Variants in DNAH10 observed in about 807,000 individuals in gnomAD.
DNAH10 encodes axonemal beta dynein heavy chain 10.
Under a neutral mutation model 506.6 loss-of-function variants are expected in DNAH10, and 348 were observed. The observed-to-expected ratio is 0.69, with a 90% CI of 0.63 to 0.75. DNAH10 has a LOEUF of 0.75. DNAH10 is among the 30% of genes least tolerant of loss of function. DNAH10 has a pLI of 0.00. For synonymous variants in DNAH10, 2,059 were observed against 2,198.6 expected (o/e 0.94, Z 1.78); for missense variants, 5,179 against 5,787.1 (o/e 0.89, Z 3.41).
chr12:123,920,941 T>A (rs1954693231), intron 65 of DNAH10, among the ~76,000 whole-genome samples: 1 of 152,034 alleles, frequency 6.6e-6, no homozygotes, highest in African/African-American at 2.4e-5. Flanking sequence ...GGCTAATTTT[T>A]AAAAAAAATT....
chr12:123,918,841 G>T lies in DNAH10; in HGVS notation c.11398G>T (p.Val3800Phe). ...YQYSLIAFLE[V>F]FRLSLKKSLP... ...GTACTCCCTGATTGCCTTCTTAGAG[G>T]TCTTCAGGCTGTCACTGAAGAAGTC... Residue 3800 changes from valine (V) to phenylalanine (F), a missense_variant, in exon 65 of 79, where the codon GTC becomes TTC. Val to Phe is a conservative substitution (Grantham distance 50, BLOSUM62 -1). This residue lies in a region of DNAH10 where 4,844 missense variants were observed against 5,430.5 expected (regional missense o/e 0.89). Transcript: ENST00000673944. 1 of 1,613,922 alleles carries T rather than the reference G, an allele frequency of 6.2e-7. No homozygotes were observed. Among genetic ancestry groups the T allele is most frequent in the Non-Finnish European group, 8.5e-7 (1 of 1,179,890 alleles).
chr12:123,867,271 G>C (rs939742355), intron 41 of DNAH10, among the ~76,000 whole-genome samples, 196 bp from the exon 42 acceptor site: 1 of 152,188 alleles, frequency 6.6e-6, no homozygotes, highest in African/African-American at 2.4e-5. Flanking sequence ...AACACTTCAT[G>C]ATGAGATGAA....
At chr12:123,784,573 T>C (rs1412631529) in intron 8 of DNAH10, among the ~76,000 whole-genome samples, 1 of 152,176 alleles carries the variant, frequency 6.6e-6, no homozygotes, top group Non-Finnish European at 1.5e-5. Flanking sequence ...TTTAAAAAAT[T>C]GTGATAAAAT....
chr12:123,883,929 C>T (rs1433240748), intron 51 of DNAH10, among the ~76,000 whole-genome samples: 1 of 152,124 alleles, frequency 6.6e-6, no homozygotes, highest in Non-Finnish European at 1.5e-5. Flanking sequence ...CTCAGCCACC[C>T]CTCATGTCTA....
intron 52 of DNAH10, among the ~76,000 whole-genome samples, chr12:123,889,905 G>A (rs1174845889): frequency 1.3e-5 from 2 of 152,054 alleles, no homozygotes; most frequent in Admixed American, 6.6e-5. Flanking sequence ...TCTTTAGCTC[G>A]CTGGCTCTCA....
intron 21 of DNAH10, among the ~76,000 whole-genome samples, chr12:123,818,190 G>T (rs913546401): frequency 6.6e-6 from 1 of 151,628 alleles, no homozygotes; most frequent in Admixed American, 6.6e-5. Context: ...CAGGTGATCC[G>T]CCTGTCTCAG....
chr12:123,776,787 A>C (rs1262733899), intron 5 of DNAH10, among the ~76,000 whole-genome samples: 1 of 152,218 alleles, frequency 6.6e-6, no homozygotes, highest in Non-Finnish European at 1.5e-5. Flanking sequence ...TCCGTCTAGC[A>C]AATATTCATT....
chr12:123,763,040 C>T (rs535520881), intron 1 of DNAH10, among the ~76,000 whole-genome samples: 2 of 152,346 alleles, frequency 1.3e-5, no homozygotes, highest in Non-Finnish European at 2.9e-5. Context: ...CGGTCGCAGC[C>T]TCTCACGGAG....
intron 23 of DNAH10, 103 bp from the exon 24 acceptor site, chr12:123,820,477 T>G: frequency 8.2e-7 from 1 of 1,221,648 alleles, no homozygotes; most frequent in Non-Finnish European, 1.1e-6. Flanking sequence ...GTGTGGTTTA[T>G]GAGGATGAAA....
chr12:123,789,607 C>T (rs1958002722), intron 10 of DNAH10, among the ~76,000 whole-genome samples: 1 of 152,172 alleles, frequency 6.6e-6, no homozygotes. Context: ...TTGTCTTGAA[C>T]TCCTGGCCTC....
intron 4 of DNAH10, among the ~76,000 whole-genome samples, chr12:123,773,705 C>T (rs1302318324): frequency 1.3e-5 from 2 of 152,160 alleles, no homozygotes; most frequent in Non-Finnish European, 2.9e-5. Context: ...GACACCAATC[C>T]AATCGTGAGA....
chr12:123,922,845 G>A (rs1954788046), intron 65 of DNAH10: 1 of 152,100 alleles, frequency 6.6e-6, no homozygotes, highest in Admixed American at 6.5e-5. Context: ...GGCCTCATTT[G>A]AACTTAATCA....
intron 77 of DNAH10, chr12:123,933,942 G>C (rs902527197): frequency 2.2e-6 from 1 of 459,078 alleles, no homozygotes; most frequent in Non-Finnish European, 3.8e-6. Context: ...CTTAGACATT[G>C]GTTACTGACT....
In DNAH10 at chr12:123,909,533, C is replaced by T. The variant is rs759541620; in HGVS notation, c.9997+91C>T. 44 of 1,432,358 alleles carry T rather than the reference C, an allele frequency of 3.1e-5. No homozygotes were observed. Among genetic ancestry groups the T allele is most frequent in the African/African-American group, 2.9e-4 (20 of 69,812 alleles). The allele number at this position is 1,432,358 out of a possible 1,614,324, so 88.7% of individuals were successfully genotyped here. The stretch of plus-strand genomic sequence containing the variant: ...AGGGATGGAGGGCAAGGAGGCTTGT[C>T]GTGGGCAGGCCCTCCCCTTCTGGTC... On this transcript the variant is annotated intron_variant, in intron 58 of 78. Transcript: ENST00000673944. This position sits in a 1 kb window ranked among gnomAD's most constrained non-coding sequence, Gnocchi z 5.4.
At chr12:123,892,342 C>G (rs1482556450) in intron 52 of DNAH10, among the ~76,000 whole-genome samples, 2 of 152,154 alleles carry the variant, frequency 1.3e-5, no homozygotes, top group African/African-American at 4.8e-5. Flanking sequence ...GGAGGGGCCA[C>G]ACACTTTCAA....
rs1210616581 is a variant in DNAH10, at chr12:123,917,877, A to G, written c.11232+64A>G. On this transcript the variant is annotated intron_variant, in intron 64 of 78. Transcript: ENST00000673944. The surrounding 1 kb of genome is among the most constrained non-coding windows in gnomAD (Gnocchi z 5.6). ...GCCTGCATGCGCCGTTGGAGCGTCC[A>G]TTTCTCTGTCTGCTCAATGAGAAAA... 3.3e-6 allele frequency: 5 copies of G among 1,495,842 alleles called. No homozygotes were observed. Among genetic ancestry groups the G allele is most frequent in the Non-Finnish European group, 4.5e-6 (5 of 1,103,456 alleles). 92.7% of individuals were successfully genotyped at this position (1,495,842 alleles called of 1,614,324 possible).
Position 123,867,614 on chromosome 12 carries a change from C to T in DNAH10, c.7302+13C>T, listed in dbSNP as rs775531216. 6 of 1,612,090 alleles carry T rather than the reference C, an allele frequency of 3.7e-6. No homozygotes were observed. In the East Asian group the frequency reaches 1.3e-4, roughly 36 times the overall value. On this transcript the variant is annotated intron_variant, in intron 42 of 78. Transcript: ENST00000673944. ...AGACCTCAATATGGTAAGAAATGAT[C>T]CCTGCTGTTAGCAAAAAGAAATTCT... is the stretch of plus-strand genomic sequence containing the variant.
At chr12:123,915,089 G>A (rs1954410879) in intron 62 of DNAH10, 90 bp downstream of exon 62, 2 of 1,444,970 alleles carry the variant, frequency 1.4e-6, no homozygotes, top group African/African-American at 1.4e-5. Flanking sequence ...GCAGTCCCTA[G>A]CCTCAGCGAG....
Position 123,771,682 on chromosome 12 carries a change from A to C in DNAH10, c.380A>C (p.Glu127Ala), listed in dbSNP as rs1198937790. 6.2e-7 allele frequency: 1 copy of C among 1,611,930 alleles called. No homozygotes were observed. Among genetic ancestry groups the C allele is most frequent in the Non-Finnish European group, 8.5e-7 (1 of 1,179,146 alleles). Reference protein sequence around the residue: ...EDEEMDKEISEKLPSKRTAKH... With the variant: ...EDEEMDKEISAKLPSKRTAKH... Reference sequence around the variant, plus strand: ...GAAGAAATGGACAAAGAGATTTCAGAAAAACTCCCTTCCAAAGTAAGCATG... The same window carrying C: ...GAAGAAATGGACAAAGAGATTTCAGCAAAACTCCCTTCCAAAGTAAGCATG... The change falls in exon 3 of 79, where the codon GAA (glutamate) becomes GCA (alanine). Residue 127 changes from glutamate to alanine, a missense_variant. Physicochemically the swap from Glu to Ala is moderately radical, Grantham distance 107. Coordinates refer to ENST00000673944, the MANE Select transcript of DNAH10 (RefSeq NM_001372106.1).
Sources: allele counts gnomAD v4.1 joint callset (sites outside exome capture counted in the v4.1 genomes callset), GRCh38; gene constraint gnomAD v4.1.1; regional missense constraint gnomAD v4.1.1; non-coding constraint Gnocchi (gnomAD v3.1); transcripts MANE v1.5; gene names NCBI Gene and HGNC (gene_info 2026-07-23, HGNC 2026-07-21).